The following CTNNA2 variants were observed in gnomAD, a reference collection of about 807,000 sequenced individuals.
CTNNA2 encodes the protein catenin alpha 2.
Under a neutral mutation model 101.0 loss-of-function variants are expected in CTNNA2, and 42 were observed. That is an observed-to-expected ratio of 0.42 (90% CI 0.32 to 0.54). The LOEUF is 0.54. Ranked by LOEUF, CTNNA2 falls within the 20% of genes least tolerant of loss-of-function variation. The probability of loss-of-function intolerance (pLI) is 0.14; values close to 1 mark genes in which losing one functional copy is unlikely to be tolerated. For missense variants in CTNNA2, 871 were observed against 1,223.1 expected (o/e 0.71, Z 4.29); for synonymous variants, 450 against 456.4 (o/e 0.99, Z 0.18).
At chr2:79,286,116 C>T (rs1422375530) in intron 2 of CTNNA2, among the ~76,000 whole-genome samples, 1 of 151,970 alleles carries the variant, frequency 6.6e-6, no homozygotes, top group Non-Finnish European at 1.5e-5. Context: ...GGTAGATCTT[C>T]CTCCATCCTT....
At chr2:79,335,821 C>T (rs992383239) in intron 3 of CTNNA2, among the ~76,000 whole-genome samples, 1 of 152,168 alleles carries the variant, frequency 6.6e-6, no homozygotes, top group Non-Finnish European at 1.5e-5. Flanking sequence ...GAAGTAAATT[C>T]TATATATCCT....
At chr2:80,608,046 A>C (rs1573442407) in intron 16 of CTNNA2, 138 bp from the exon 17 acceptor site, 1 of 668,104 alleles carries the variant, frequency 1.5e-6, no homozygotes, top group Admixed American at 3.1e-5. Context: ...TCTAAAATGC[A>C]CTGTGAAAAA....
chr2:80,073,773 T>G (rs920832935), intron 7 of CTNNA2, among the ~76,000 whole-genome samples: 1 of 104,824 alleles, frequency 9.5e-6, no homozygotes, highest in Non-Finnish European at 2.1e-5. Context: ...CACACACACT[T>G]ATAGGATTGG....
chr2:79,942,590 G>A (rs1688232148), intron 7 of CTNNA2, among the ~76,000 whole-genome samples: 1 of 152,132 alleles, frequency 6.6e-6, no homozygotes, highest in Admixed American at 6.5e-5. Context: ...TGCCAAATGA[G>A]GAGGTCTTGC....
chr2:80,463,067 G>A (rs1175689220), intron 9 of CTNNA2, among the ~76,000 whole-genome samples: 12 of 152,008 alleles, frequency 7.9e-5, no homozygotes, highest in Non-Finnish European at 7.4e-5. Context: ...AGGAGTTGGC[G>A]CTGTGATGCG....
intron 2 of CTNNA2, among the ~76,000 whole-genome samples, chr2:79,740,223 T>C (rs935867776): frequency 9.9e-5 from 15 of 152,178 alleles, no homozygotes; most frequent in East Asian, 5.8e-4. Flanking sequence ...TGTCCATGTG[T>C]CTGAATCATT....
chr2:79,709,560 T>C (rs528007197), intron 2 of CTNNA2, among the ~76,000 whole-genome samples: 2 of 152,258 alleles, frequency 1.3e-5, no homozygotes, highest in South Asian at 4.1e-4. Flanking sequence ...TGGCTGTTAT[T>C]ACTCAATAAT....
intron 2 of CTNNA2, among the ~76,000 whole-genome samples, chr2:79,259,085 G>A (rs1674887278): frequency 6.6e-6 from 1 of 152,098 alleles, no homozygotes; most frequent in South Asian, 2.1e-4. Context: ...TTAAGAACTG[G>A]GGAAGAGTGA....
chr2:80,166,607 G>T (rs1396943346), intron 7 of CTNNA2, among the ~76,000 whole-genome samples: 3 of 152,146 alleles, frequency 2.0e-5, no homozygotes, highest in Non-Finnish European at 4.4e-5. Flanking sequence ...TGCATTCCGT[G>T]AGTTATTCTA....
At chr2:80,197,932 C>T (rs1706937230) in intron 7 of CTNNA2, among the ~76,000 whole-genome samples, 1 of 152,168 alleles carries the variant, frequency 6.6e-6, no homozygotes, top group South Asian at 2.1e-4. Context: ...AAGTTCCCAA[C>T]TTACAATGTG....
At chr2:79,946,323 A>T (rs1253092205) in intron 7 of CTNNA2, among the ~76,000 whole-genome samples, 1 of 142,814 alleles carries the variant, frequency 7.0e-6, no homozygotes, top group Non-Finnish European at 1.6e-5. Context: ...TTTAACACTA[A>T]GTGAGAGGAA....
chr2:80,562,041 A>G (rs1693648776), intron 12 of CTNNA2, among the ~76,000 whole-genome samples: 2 of 149,930 alleles, frequency 1.3e-5, no homozygotes, highest in African/African-American at 4.9e-5. Flanking sequence ...TTGGAATATA[A>G]ATGCATGGTT....
intron 4 of CTNNA2, among the ~76,000 whole-genome samples, chr2:79,398,031 A>G (rs1335413015): frequency 6.6e-6 from 1 of 152,200 alleles, no homozygotes; most frequent in East Asian, 1.9e-4. Context: ...CTAAAGAACC[A>G]GAAAGCTTCT....
At chr2:80,184,588 G>C (rs566153143) in intron 7 of CTNNA2, among the ~76,000 whole-genome samples, 206 of 152,292 alleles carry the variant, frequency 1.4e-3, no homozygotes, top group African/African-American at 4.6e-3. Context: ...GTCTGAAAAT[G>C]TGTGGTCAAG....
At chr2:79,890,734 C>T (rs1199157149) in intron 6 of CTNNA2, among the ~76,000 whole-genome samples, 1 of 150,108 alleles carries the variant, frequency 6.7e-6, no homozygotes, top group African/African-American at 2.5e-5. Flanking sequence ...TTTGTTTGGG[C>T]TTCTGTAACA....
intron 9 of CTNNA2, among the ~76,000 whole-genome samples, chr2:80,469,987 AGG>A (rs1685162041): frequency 1.3e-5 from 2 of 152,174 alleles, no homozygotes; most frequent in African/African-American, 4.8e-5. Context: ...GACATGGGCA[AGG>A]GTGGCTCCTC....
intron 9 of CTNNA2, among the ~76,000 whole-genome samples, chr2:80,440,061 T>C (rs1682420563): frequency 6.6e-6 from 1 of 152,154 alleles, no homozygotes. Flanking sequence ...ACAGGAAAAG[T>C]AGAGCAGTAA....
intron 8 of CTNNA2, among the ~76,000 whole-genome samples, chr2:80,413,777 T>C (rs1402792074): frequency 6.6e-6 from 1 of 152,196 alleles, no homozygotes; most frequent in African/African-American, 2.4e-5. Context: ...ATGTCAGTAA[T>C]CATGTAGAGC....
chr2:80,339,914 T>C (rs1672082709), intron 7 of CTNNA2, among the ~76,000 whole-genome samples: 1 of 152,194 alleles, frequency 6.6e-6, no homozygotes, highest in African/African-American at 2.4e-5. Context: ...TTTGGGGAGT[T>C]CATTTCCCAG....
Sources: gnomAD v4.1 joint callset for allele counts (sites outside exome capture counted in the v4.1 genomes callset) on GRCh38, gnomAD v4.1.1 for gene constraint, MANE v1.5 for transcripts, NCBI Gene and HGNC (gene_info 2026-07-23, HGNC 2026-07-21) for gene names.